The following ADARB2 variants were observed in gnomAD, a reference collection of about 807,000 sequenced individuals.
ADARB2 encodes the protein adenosine deaminase RNA specific B2 (inactive), also known as inactive double-stranded RNA-specific editase B2.
In ADARB2, 25 loss-of-function variants were observed where a neutral mutation model predicts 62.2. The ratio of observed to expected loss-of-function variants is 0.40; its 90% CI spans 0.29 to 0.56. The LOEUF (loss-of-function observed/expected upper bound fraction) is 0.56, where lower values mean the gene tolerates loss of function less well. Among genes scored for constraint, ADARB2 ranks in the 20% least tolerant of loss-of-function variants. The probability of loss-of-function intolerance (pLI) is 0.43; values close to 1 mark genes in which losing one functional copy is unlikely to be tolerated. For missense variants in ADARB2, 1,071 were observed against 1,077.4 expected, an observed-to-expected ratio of 0.99 and a Z score of 0.08; for synonymous variants, 572 against 500.8, an observed-to-expected ratio of 1.14 and a Z score of -1.90.
chr10:1,663,459 C>A (rs1044636752), intron 1 of ADARB2, among the ~76,000 whole-genome samples: 1 of 152,146 alleles, frequency 6.6e-6, no homozygotes, highest in Non-Finnish European at 1.5e-5. Flanking sequence ...TCCCCGCCAC[C>A]CCTGGAAACC....
At chr10:1,546,398 C>T (rs1336491379) in intron 1 of ADARB2, among the ~76,000 whole-genome samples, 2 of 152,204 alleles carry the variant, frequency 1.3e-5, no homozygotes, top group African/African-American at 2.4e-5. Flanking sequence ...CCCGTGCTTC[C>T]GTTACCACTG....
rs146638556 is a variant in ADARB2 at position 1,715,282 on chromosome 10, T to A, written c.100+21769A>T. The stretch of plus-strand genomic sequence containing the variant: ...TTATTATCCCCAGATTTTTCCAGTC[T>A]ACGTGGAAGTGTATTTCCATTGGCA... On this transcript the variant is annotated intron_variant, in intron 1 of 9. Transcript: ENST00000381312. Among the ~76,000 whole-genome samples, 13 of 152,280 alleles carry A rather than the reference T, an allele frequency of 8.5e-5. No individual in the cohort carries two copies. The East Asian group carries it at 2.5e-3, about 29-fold the overall frequency.
chr10:1,353,045 C>T (rs1047326320), intron 3 of ADARB2, among the ~76,000 whole-genome samples: 1 of 152,126 alleles, frequency 6.6e-6, no homozygotes, highest in Non-Finnish European at 1.5e-5. Context: ...AATCTATCCT[C>T]AAGGAAATCA....
At chr10:1,597,663 G>T (rs1322997327) in intron 1 of ADARB2, among the ~76,000 whole-genome samples, 1 of 152,226 alleles carries the variant, frequency 6.6e-6, no homozygotes, top group Non-Finnish European at 1.5e-5. Flanking sequence ...ATGCTACTAT[G>T]CTCTTGGTGA....
At chr10:1,273,442 C>T (rs1382140203) in intron 3 of ADARB2, among the ~76,000 whole-genome samples, 1 of 152,146 alleles carries the variant, frequency 6.6e-6, no homozygotes, top group Admixed American at 6.5e-5. Flanking sequence ...ATAACCTGGT[C>T]TTCCTTGGTG....
chr10:1,183,034 AT>A lies in ADARB2; in HGVS notation c.*158del. ...CGATCTGGAAAGAGGCACGTTCTGA[AT>A]TTGTGTTGTTGCTCGTCCAAACATT... On this transcript the variant is annotated 3_prime_UTR_variant, in exon 10 of 10. Transcript: ENST00000381312. 1.2e-6 allele frequency: 1 copy of A among 829,892 alleles called. No homozygotes were observed. The highest frequency in any genetic ancestry group is 1.8e-6 in the Non-Finnish European group (1 of 543,606). The allele number at this position is 829,892 out of a possible 1,614,324, so 51.4% of individuals were successfully genotyped here. A position where few individuals can be genotyped will look rare whatever the true frequency, so the allele number is the denominator to read the frequency against.
At chr10:1,612,579 G>C (rs1174772173) in intron 1 of ADARB2, among the ~76,000 whole-genome samples, 1 of 152,202 alleles carries the variant, frequency 6.6e-6, no homozygotes, top group Non-Finnish European at 1.5e-5. Context: ...AGAAAATTAG[G>C]GTTGAAAGTC....
chr10:1,250,393 G>A (rs114286219), intron 4 of ADARB2, among the ~76,000 whole-genome samples: 5,540 of 152,108 alleles, frequency 0.036, 358 homozygotes, highest in African/African-American at 0.13. Context: ...AAGGCGGTGA[G>A]TTCTTGCTCT....
At chr10:1,501,317 T>C (rs1831766445) in intron 1 of ADARB2, among the ~76,000 whole-genome samples, 1 of 152,178 alleles carries the variant, frequency 6.6e-6, no homozygotes. Flanking sequence ...TTGGTGTGCA[T>C]GTATACATGA....
intron 1 of ADARB2, among the ~76,000 whole-genome samples, chr10:1,572,263 G>A (rs1372841393): frequency 6.6e-6 from 1 of 151,874 alleles, no homozygotes; most frequent in Non-Finnish European, 1.5e-5. Flanking sequence ...GTGCTGGTGA[G>A]AAGGCAGGTG....
At chr10:1,624,159 A>G (rs555749446) in intron 1 of ADARB2, among the ~76,000 whole-genome samples, 4 of 152,308 alleles carry the variant, frequency 2.6e-5, no homozygotes, top group African/African-American at 7.2e-5. Flanking sequence ...ACCTGAGCCC[A>G]GGAGGCTGAG....
chr10:1,353,623 G>A lies in ADARB2; in HGVS notation c.1077+9405C>T, dbSNP rs151108643. On this transcript the variant is annotated intron_variant, in intron 3 of 9. Transcript: ENST00000381312. The stretch of plus-strand genomic sequence containing the variant: ...CTCCGCCCATATTTGGACCTCTCAC[G>A]ACACAAACTACTATTCCTGTGGCCA... Among the ~76,000 whole-genome samples, 989 of 152,052 alleles carry A rather than the reference G, an allele frequency of 6.5e-3. 15 individuals are homozygous for A. Among genetic ancestry groups the A allele is most frequent in the African/African-American group, 0.022 (927 of 41,482 alleles).
At chr10:1,697,235 T>C (rs965296674) in intron 1 of ADARB2, among the ~76,000 whole-genome samples, 1 of 152,176 alleles carries the variant, frequency 6.6e-6, no homozygotes, top group East Asian at 1.9e-4. Context: ...CACAGCCCTG[T>C]GGCAAGAGGG....
At chr10:1,573,827 T>C (rs1184141084) in intron 1 of ADARB2, among the ~76,000 whole-genome samples, 3 of 152,210 alleles carry the variant, frequency 2.0e-5, no homozygotes, top group Admixed American at 6.5e-5. Flanking sequence ...GAGGCCCTCC[T>C]GCCGCCCAGT....
At chr10:1,402,433 C>T (rs183646362) in intron 1 of ADARB2, among the ~76,000 whole-genome samples, 43 of 152,296 alleles carry the variant, frequency 2.8e-4, no homozygotes, top group African/African-American at 9.9e-4. Flanking sequence ...AGAAAAAATG[C>T]TGTGTGGAAT....
intron 1 of ADARB2, among the ~76,000 whole-genome samples, chr10:1,415,808 T>C (rs936018223): frequency 3.9e-5 from 6 of 152,330 alleles, no homozygotes; most frequent in Admixed American, 3.9e-4. Context: ...TGTGAAAAAT[T>C]ATCACTTTCT....
intron 1 of ADARB2, among the ~76,000 whole-genome samples, chr10:1,639,159 C>T (rs1221508856): frequency 6.6e-6 from 1 of 152,226 alleles, no homozygotes; most frequent in Non-Finnish European, 1.5e-5. Context: ...TGAGTGCTCT[C>T]CTGCTGCCTG....
chr10:1,490,065 C>G (rs1358159608), intron 1 of ADARB2, among the ~76,000 whole-genome samples: 1 of 152,130 alleles, frequency 6.6e-6, no homozygotes, highest in Non-Finnish European at 1.5e-5. Context: ...GGTAAGTGAG[C>G]CTGTGCAAGA....
chr10:1,518,541 C>T (rs1289330920), intron 1 of ADARB2, among the ~76,000 whole-genome samples: 4 of 152,146 alleles, frequency 2.6e-5, no homozygotes, highest in African/African-American at 9.7e-5. Context: ...TGTCATACGC[C>T]TGCATTTCGT....
Sources: allele counts gnomAD v4.1 joint callset (sites outside exome capture counted in the v4.1 genomes callset), GRCh38; gene constraint gnomAD v4.1.1; transcripts MANE v1.5; gene names NCBI Gene and HGNC (gene_info 2026-07-23, HGNC 2026-07-21).